Variants in OOSP4B observed in about 807,000 individuals in gnomAD.
OOSP4B encodes oocyte-secreted protein 4B.
At chr11:60,024,946 C>G in exon 3 of OOSP4B, 1 of 398,288 alleles carries the variant, frequency 2.5e-6, no homozygotes, top group Non-Finnish European at 4.4e-6. Context: ...TATCAGAGAT[C>G]AGTTACAAAC....
chr11:60,022,091 T>G (rs1209394592), intron 1 of OOSP4B: 1 of 151,530 alleles, frequency 6.6e-6, no homozygotes, highest in East Asian at 1.9e-4. Context: ...GGAATCCCCA[T>G]GGGAACAGGC....
chr11:60,024,273 C>T lies in OOSP4B; in HGVS notation c.204+212C>T, dbSNP rs573258751. On this transcript the variant is annotated intron_variant, in intron 2 of 4. Transcript: ENST00000642343. ...GGTCATAAGGGGCTGGGCATGGTGG[C>T]TCACACCTGTAATCCCACCACTTTG... Among the ~76,000 whole-genome samples, 3 of 152,290 alleles carry T rather than the reference C, an allele frequency of 2.0e-5. No homozygotes were observed. In the South Asian group the frequency reaches 6.2e-4, roughly 32 times the overall value.
At chr11:60,024,027 C>G in exon 2 of OOSP4B, 1 of 398,572 alleles carries the variant, frequency 2.5e-6, no homozygotes, top group Non-Finnish European at 4.4e-6. Context: ...TACGCGTTTT[C>G]TTATCCTGTC....
exon 2 of OOSP4B, chr11:60,023,891 A>G (rs1477261428): frequency 9.8e-5 from 39 of 398,554 alleles, no homozygotes; most frequent in Non-Finnish European, 4.4e-6. Context: ...AATAACTGCA[A>G]TGTGCTCTGA....
chr11:60,019,644 G>C (rs1184869183), intron 1 of OOSP4B: 1 of 152,530 alleles, frequency 6.6e-6, no homozygotes, highest in Non-Finnish European at 1.5e-5. Context: ...TGGGTTCGTG[G>C]TCTGGCTGGC....
intron 4 of OOSP4B, among the ~76,000 whole-genome samples, 180 bp downstream of exon 4, chr11:60,030,109 G>A (rs1296809806): frequency 2.0e-5 from 3 of 152,066 alleles, no homozygotes; most frequent in Non-Finnish European, 1.5e-5. Flanking sequence ...TCATTTTCTT[G>A]TTGCAGATGA....
chr11:60,018,215 T>A (rs910912275), intron 1 of OOSP4B, among the ~76,000 whole-genome samples: 5 of 152,218 alleles, frequency 3.3e-5, no homozygotes, highest in Non-Finnish European at 7.3e-5. Context: ...TAAAGCAGCC[T>A]ATGGACTTTC....
At chr11:60,026,102 G>C (rs1258305805) in intron 3 of OOSP4B, among the ~76,000 whole-genome samples, 1 of 152,072 alleles carries the variant, frequency 6.6e-6, no homozygotes, top group Non-Finnish European at 1.5e-5. Flanking sequence ...TTTCGCCCCA[G>C]TCCCCACATT....
chr11:60,025,266 CAT>C (rs1396673400), intron 3 of OOSP4B, among the ~76,000 whole-genome samples: 2 of 152,300 alleles, frequency 1.3e-5, no homozygotes, highest in Non-Finnish European at 2.9e-5. Flanking sequence ...CAATTGAAGA[CAT>C]GAGTACACTT....
chr11:60,019,790 G>A (rs1017457675), intron 1 of OOSP4B, among the ~76,000 whole-genome samples: 2 of 152,330 alleles, frequency 1.3e-5, no homozygotes, highest in Admixed American at 1.3e-4. Flanking sequence ...GACCCCCAAC[G>A]GGTTGCCAGT....
chr11:60,020,583 C>G (rs890179854), intron 1 of OOSP4B, among the ~76,000 whole-genome samples: 1 of 152,180 alleles, frequency 6.6e-6, no homozygotes, highest in African/African-American at 2.4e-5. Flanking sequence ...AGCCCCGGTT[C>G]CCGCCGGCGC....
intron 3 of OOSP4B, among the ~76,000 whole-genome samples, chr11:60,028,213 G>A (rs529997900): frequency 1.5e-4 from 23 of 151,034 alleles, no homozygotes; most frequent in Admixed American, 7.3e-4. Context: ...TTGCCCAGGC[G>A]GGAGTGCAGT....
At chr11:60,026,700 C>T (rs1854749312) in intron 3 of OOSP4B, among the ~76,000 whole-genome samples, 2 of 152,168 alleles carry the variant, frequency 1.3e-5, no homozygotes. Flanking sequence ...ATCTCTAAAC[C>T]TTTGCTGTCT....
intron 3 of OOSP4B, among the ~76,000 whole-genome samples, chr11:60,025,496 G>A (rs1854739129): frequency 6.6e-6 from 1 of 152,132 alleles, no homozygotes; most frequent in Admixed American, 6.5e-5. Context: ...CACTGTTCTT[G>A]TCTCTTCTAT....
At chr11:60,018,174 C>T (rs12421628) in intron 1 of OOSP4B, among the ~76,000 whole-genome samples, 30,838 of 152,150 alleles carry the variant, frequency 0.2, 3,672 homozygotes, top group Admixed American at 0.37. Context: ...ATGTCGGCTG[C>T]GTCTAATGTC....
At chr11:60,019,434 C>T (rs1005716437) in intron 1 of OOSP4B, 5 of 177,442 alleles carry the variant, frequency 2.8e-5, no homozygotes, top group Middle Eastern at 2.2e-3. Context: ...AGAATGAAGC[C>T]GCGGACCCTC....
chr11:60,021,267 A>C (rs1265901429), intron 1 of OOSP4B, among the ~76,000 whole-genome samples: 1 of 152,224 alleles, frequency 6.6e-6, no homozygotes, highest in Non-Finnish European at 1.5e-5. Flanking sequence ...AGTATTTCTA[A>C]TGAGTTCTAA....
Position 60,023,243 on chromosome 11 carries a change from A to G in OOSP4B, c.23-637A>G, listed in dbSNP as rs183947164. On this transcript the variant is annotated intron_variant, in intron 1 of 4. Coordinates refer to ENST00000642343, the Ensembl canonical transcript of OOSP4B. Reference sequence around the variant, plus strand: ...AGTAGCACAGCAGCCACCGCCCTCAAGGGGCTTTTGAGCACATGAAGTGTG... The same window carrying G: ...AGTAGCACAGCAGCCACCGCCCTCAGGGGGCTTTTGAGCACATGAAGTGTG... Among the ~76,000 whole-genome samples the G allele has an allele frequency of 3.4e-3, 511 of 152,322 alleles. 1 individual carries two copies. Among genetic ancestry groups the G allele is most frequent in the African/African-American group, 0.011 (476 of 41,566 alleles).
chr11:60,019,194 G>A (rs983860393), intron 1 of OOSP4B, among the ~76,000 whole-genome samples: 12 of 151,974 alleles, frequency 7.9e-5, no homozygotes, highest in African/African-American at 2.9e-4. Flanking sequence ...TTGCACTCAA[G>A]CCTGGGCGAC....
Sources: gnomAD v4.1 joint callset for allele counts (sites outside exome capture counted in the v4.1 genomes callset) on GRCh38, gnomAD v4.1.1 for gene constraint, MANE v1.5 for transcripts, NCBI Gene and HGNC (gene_info 2026-07-23, HGNC 2026-07-21) for gene names.